The following CDH20 variants were observed in gnomAD, a reference collection of about 807,000 sequenced individuals.
The protein encoded by CDH20 is cadherin 20, also known as cadherin-20.
A neutral mutation model predicts 74.2 loss-of-function variants in CDH20; 29 were observed. That is an observed-to-expected ratio of 0.39 (90% CI 0.29 to 0.53). The LOEUF (loss-of-function observed/expected upper bound fraction) is 0.53, where lower values mean the gene tolerates loss of function less well. Among genes scored for constraint, CDH20 ranks in the 20% least tolerant of loss-of-function variants. The pLI is 0.69. For synonymous variants in CDH20, 469 were observed against 405.4 expected (o/e 1.16, Z -1.88); for missense variants, 988 against 1,048.3 (o/e 0.94, Z 0.79).
At chr18:61,441,385 G>A (rs1470689916) in intron 1 of CDH20, among the ~76,000 whole-genome samples, 2 of 152,034 alleles carry the variant, frequency 1.3e-5, no homozygotes, top group Non-Finnish European at 2.9e-5. Flanking sequence ...AAAGTACTAA[G>A]TGAAACATAT....
At chr18:61,430,298 A>T (rs933767844) in intron 1 of CDH20, among the ~76,000 whole-genome samples, 3 of 152,108 alleles carry the variant, frequency 2.0e-5, no homozygotes, top group Non-Finnish European at 4.4e-5. Context: ...GGTCCTCAGT[A>T]ACTACTAGTC....
chr18:61,507,529 A>G lies in CDH20; in HGVS notation c.986A>G (p.Asn329Ser), dbSNP rs140884066. ...ADAFDISTDP[N>S]FQVGIITVKK... ...GCCTTTGACATTAGCACAGATCCCA[A>G]TTTCCAAGTTGGTATCATAACTGTG... The change falls in exon 6 of 12, where the codon AAT (asparagine) becomes AGT (serine). Residue 329 changes from asparagine (N) to serine (S), a missense_variant. By Grantham distance (46) the Asn-to-Ser change is conservative. Coordinates refer to ENST00000262717, the MANE Select transcript of CDH20 (RefSeq NM_031891.4). 1.1e-4 allele frequency: 170 copies of G among 1,610,848 alleles called. No homozygotes were observed. The highest frequency in any genetic ancestry group is 3.8e-4 in the South Asian group (34 of 90,140).
chr18:61,507,905 T>C (rs1911632485), intron 6 of CDH20, among the ~76,000 whole-genome samples: 1 of 152,202 alleles, frequency 6.6e-6, no homozygotes, highest in Admixed American at 6.5e-5. Context: ...TTGAATAACA[T>C]ATGCATTGTA....
chr18:61,425,482 A>G lies in CDH20; in HGVS notation c.-152-64920A>G, dbSNP rs571880264. On this transcript the variant is annotated intron_variant, in intron 1 of 11. Coordinates refer to ENST00000262717, the MANE Select transcript of CDH20 (RefSeq NM_031891.4). ...CCCCTCAGACGGTGGTACCAAGGTAACCATAGCAAAGGCCTGCCCAGAGCA... is the reference window on the plus strand; with the variant it reads ...CCCCTCAGACGGTGGTACCAAGGTAGCCATAGCAAAGGCCTGCCCAGAGCA... 2.0e-5 allele frequency among the ~76,000 whole-genome samples: 3 copies of G among 152,302 alleles called. No individual in the cohort carries two copies. In the East Asian group the frequency reaches 5.8e-4, roughly 29 times the overall value.
Position 61,554,680 on chromosome 18 carries a change from CGCGCCGCTGTGGTG to C in CDH20, c.2392_2405del (p.Ala798ThrfsTer35). 1 of 1,572,480 alleles carries C rather than the reference CGCGCCGCTGTGGTG, an allele frequency of 6.4e-7. No homozygotes were observed. The highest frequency in any genetic ancestry group is 8.6e-7 in the Non-Finnish European group (1 of 1,158,222). ...AGCTCTACGGGGCGTCGGAGGGACC[CGCGCCGCTGTGGTG>C]ACGGAAGCCAGGAGGCAGGCGCGCG... On this transcript the variant is annotated frameshift_variant and stop_lost, in exon 12 of 12. Coordinates refer to ENST00000262717, the MANE Select transcript of CDH20 (RefSeq NM_031891.4). LOFTEE classifies it high-confidence loss of function.
intron 1 of CDH20, among the ~76,000 whole-genome samples, chr18:61,447,770 G>C (rs1422250944): frequency 3.3e-5 from 5 of 152,080 alleles, no homozygotes; most frequent in Non-Finnish European, 7.4e-5. Context: ...ACTGTCCTCT[G>C]CTCCCCTGGA....
chr18:61,437,773 G>T (rs1162391253), intron 1 of CDH20, among the ~76,000 whole-genome samples: 2 of 152,104 alleles, frequency 1.3e-5, no homozygotes, highest in African/African-American at 4.8e-5. Context: ...CAGTGACTAG[G>T]TTCATTTCTA....
chr18:61,400,367 A>G (rs1912117763), intron 1 of CDH20, among the ~76,000 whole-genome samples: 1 of 152,236 alleles, frequency 6.6e-6, no homozygotes, highest in Non-Finnish European at 1.5e-5. Flanking sequence ...GGCAGATGTG[A>G]TTAGTGAGAT....
At chr18:61,428,861 C>T (rs1913161707) in intron 1 of CDH20, among the ~76,000 whole-genome samples, 1 of 152,238 alleles carries the variant, frequency 6.6e-6, no homozygotes, top group Non-Finnish European at 1.5e-5. Context: ...ACCCACCAGC[C>T]CTCCAGCCAT....
chr18:61,441,391 CAT>C (rs1253385875), intron 1 of CDH20, among the ~76,000 whole-genome samples: 2 of 152,140 alleles, frequency 1.3e-5, no homozygotes, highest in African/African-American at 2.4e-5. Context: ...CTAAGTGAAA[CAT>C]ATTTATGTCT....
intron 1 of CDH20, among the ~76,000 whole-genome samples, chr18:61,369,885 G>A (rs551653239): frequency 3.3e-5 from 5 of 152,114 alleles, no homozygotes; most frequent in Middle Eastern, 3.4e-3. Flanking sequence ...ACACACAGAC[G>A]GGAACAACAC....
At chr18:61,488,645 TTG>T (rs1910850932) in intron 1 of CDH20, among the ~76,000 whole-genome samples, 1 of 152,190 alleles carries the variant, frequency 6.6e-6, no homozygotes, top group Admixed American at 6.5e-5. Context: ...TATAGATACA[TTG>T]TGTCTTACAA....
At chr18:61,334,363 C>A (rs1435002107) in intron 1 of CDH20, 1 of 152,228 alleles carries the variant, frequency 6.6e-6, no homozygotes, top group Non-Finnish European at 1.5e-5. Context: ...TCGCGCCGCG[C>A]CCCCGCCGGA....
At chr18:61,493,613 G>A (rs1911035482) in intron 2 of CDH20, among the ~76,000 whole-genome samples, 2 of 152,300 alleles carry the variant, frequency 1.3e-5, no homozygotes, top group South Asian at 2.1e-4. Flanking sequence ...CCACGCTGCT[G>A]CCCTGCCCAG....
At chr18:61,503,217 A>C in intron 5 of CDH20, 97 bp downstream of exon 5, 1 of 862,390 alleles carries the variant, frequency 1.2e-6, no homozygotes, top group Admixed American at 2.7e-5. Flanking sequence ...TTCCTCATTA[A>C]ATTCAATTAT....
chr18:61,480,605 AC>A, intron 1 of CDH20, among the ~76,000 whole-genome samples: 1 of 152,200 alleles, frequency 6.6e-6, no homozygotes, highest in Non-Finnish European at 1.5e-5. Context: ...TATCTCAGTG[AC>A]CAGAGGGATG....
intron 4 of CDH20, among the ~76,000 whole-genome samples, chr18:61,502,699 C>G (rs1359946245): frequency 1.3e-5 from 2 of 152,158 alleles, no homozygotes; most frequent in Non-Finnish European, 2.9e-5. Flanking sequence ...ACCTCCTGTT[C>G]ACTTTCAGTA....
intron 1 of CDH20, among the ~76,000 whole-genome samples, chr18:61,373,389 T>A (rs1367314949): frequency 6.6e-6 from 1 of 152,048 alleles, no homozygotes; most frequent in African/African-American, 2.4e-5. Flanking sequence ...GTATTTTATA[T>A]CCCCTAATGA....
intron 1 of CDH20, among the ~76,000 whole-genome samples, chr18:61,486,026 C>T (rs1437023959): frequency 6.6e-6 from 1 of 152,024 alleles, no homozygotes; most frequent in African/African-American, 2.4e-5. Context: ...TGAGCTGAGA[C>T]TGCGCCACTG....
Sources: gnomAD v4.1 joint callset for allele counts (sites outside exome capture counted in the v4.1 genomes callset) on GRCh38, gnomAD v4.1.1 for gene constraint, MANE v1.5 for transcripts, NCBI Gene and HGNC (gene_info 2026-07-23, HGNC 2026-07-21) for gene names.